KLF7: variants seen among roughly 807,000 people sequenced by gnomAD.
The protein encoded by KLF7 is Krueppel-like factor 7.
A neutral mutation model predicts 27.3 loss-of-function variants in KLF7; 2 were observed. The ratio of observed to expected loss-of-function variants is 0.07; its 90% CI spans 0.03 to 0.23. The LOEUF is 0.23. Among genes scored for constraint, KLF7 ranks in the 10% least tolerant of loss-of-function variants. KLF7 has a pLI of 1.00. For missense variants in KLF7, 221 were observed against 394.1 expected, an observed-to-expected ratio of 0.56 and a Z score of 3.72; for synonymous variants, 165 against 162.4, an observed-to-expected ratio of 1.02 and a Z score of -0.12.
At chr2:207,107,146 C>T (rs2076902835) in intron 2 of KLF7, among the ~76,000 whole-genome samples, 1 of 152,168 alleles carries the variant, frequency 6.6e-6, no homozygotes, top group Non-Finnish European at 1.5e-5. Flanking sequence ...AACTTCAGGG[C>T]ATCTCACCTC....
intron 2 of KLF7, among the ~76,000 whole-genome samples, chr2:207,117,461 A>AAC (rs1248112418): frequency 6.6e-6 from 1 of 152,210 alleles, no homozygotes; most frequent in Non-Finnish European, 1.5e-5. Flanking sequence ...CTGAACATTT[A>AAC]ACCCTTATTC....
intron 1 of KLF7, among the ~76,000 whole-genome samples, chr2:207,127,461 G>A (rs185567684): frequency 2.6e-5 from 4 of 152,236 alleles, no homozygotes; most frequent in Non-Finnish European, 5.9e-5. Context: ...AGGATGAGGA[G>A]GATTCTAATA....
At chr2:207,134,608 G>A (rs1007886730) in intron 1 of KLF7, among the ~76,000 whole-genome samples, 2 of 152,178 alleles carry the variant, frequency 1.3e-5, no homozygotes, top group Non-Finnish European at 2.9e-5. Context: ...TGTTACTTGA[G>A]ATACTTGGAC....
chr2:207,102,075 T>C (rs1488842935), intron 2 of KLF7, among the ~76,000 whole-genome samples: 2 of 151,016 alleles, frequency 1.3e-5, no homozygotes, highest in African/African-American at 4.9e-5. Flanking sequence ...ATAGGAATCA[T>C]TGGGAAGAAA....
intron 1 of KLF7, among the ~76,000 whole-genome samples, chr2:207,154,235 G>A (rs2078320241): frequency 6.6e-6 from 1 of 152,128 alleles, no homozygotes; most frequent in African/African-American, 2.4e-5. Flanking sequence ...CAGTCATCAG[G>A]TAAGGCAGAA....
intron 3 of KLF7, among the ~76,000 whole-genome samples, chr2:207,084,219 A>G (rs1194135028): frequency 6.6e-6 from 1 of 152,132 alleles, no homozygotes; most frequent in African/African-American, 2.4e-5. Flanking sequence ...CTGGGATTTG[A>G]GATGGTAAGG....
At chr2:207,163,960 T>C (rs1361001740) in intron 1 of KLF7, among the ~76,000 whole-genome samples, 1 of 152,240 alleles carries the variant, frequency 6.6e-6, no homozygotes, top group East Asian at 1.9e-4. Context: ...TCTAAAAATA[T>C]GTGAACTGTG....
At chr2:207,082,447 GCCTAAAGACAAAT>G (rs1186631943) in intron 3 of KLF7, among the ~76,000 whole-genome samples, 1 of 152,162 alleles carries the variant, frequency 6.6e-6, no homozygotes, top group Non-Finnish European at 1.5e-5. Context: ...ATCCAACGAA[GCCTAAAGACAAAT>G]CTAATTCTGT....
rs1490902855 is a variant in KLF7, at chr2:207,080,793, A to T, written c.*420T>A. The T allele has an allele frequency of 2.5e-6, 1 of 402,316 alleles. No homozygotes were observed. Among genetic ancestry groups the T allele is most frequent in the East Asian group, 3.5e-5 (1 of 28,238 alleles). 24.9% of individuals were successfully genotyped at this position (402,316 alleles called of 1,614,324 possible). ...ATGCTGGATTCTCCTATCAAGTTGC[A>T]CTGAGAAGCAAGTGAAATAAGCCCC... is the stretch of plus-strand genomic sequence containing the variant. On this transcript the variant is annotated 3_prime_UTR_variant, in exon 4 of 4. Transcript: ENST00000309446.
chr2:207,166,295 G>T, upstream of KLF7: 3 of 480,114 alleles, frequency 6.2e-6, no homozygotes, highest in Non-Finnish European at 8.1e-6. Context: ...GGATTGGCAC[G>T]CTGCGGATCT....
intron 2 of KLF7, among the ~76,000 whole-genome samples, chr2:207,090,739 T>G (rs545611548): frequency 2.0e-5 from 3 of 152,050 alleles, no homozygotes; most frequent in Non-Finnish European, 2.9e-5. Flanking sequence ...AAACAGGGAG[T>G]GTTCTTTAGG....
intron 1 of KLF7, among the ~76,000 whole-genome samples, chr2:207,161,967 T>C (rs1476905534): frequency 6.6e-6 from 1 of 151,936 alleles, no homozygotes; most frequent in Non-Finnish European, 1.5e-5. Context: ...CATAAGACTT[T>C]TCAAGCAAAC....
intron 3 of KLF7, among the ~76,000 whole-genome samples, chr2:207,083,628 C>T (rs2076324645): frequency 6.6e-6 from 1 of 152,146 alleles, no homozygotes; most frequent in Non-Finnish European, 1.5e-5. Context: ...ATAATGCTCC[C>T]TCCAAAATGT....
chr2:207,115,735 C>T (rs2077162702), intron 2 of KLF7, among the ~76,000 whole-genome samples: 1 of 149,050 alleles, frequency 6.7e-6, no homozygotes, highest in Admixed American at 6.7e-5. Flanking sequence ...CAACACTCCC[C>T]CATCATGTCT....
rs1347388313 is a variant in KLF7, at chr2:207,076,747, A to G, written c.*4466T>C. ...TAGGCCCTCTAGTTTTCAAACTGAG[A>G]TATCACCATGTTCACCGAAATTTAA... On this transcript the variant is annotated 3_prime_UTR_variant, in exon 4 of 4. Coordinates refer to ENST00000309446, the MANE Select transcript of KLF7 (RefSeq NM_003709.4). 1 of 152,190 alleles carries G rather than the reference A, an allele frequency of 6.6e-6. No individual in the cohort carries two copies. The highest frequency in any genetic ancestry group is 1.5e-5 in the Non-Finnish European group (1 of 68,042). 9.4% of individuals were successfully genotyped at this position (152,190 alleles called of 1,614,324 possible). A position where few individuals can be genotyped will look rare whatever the true frequency, so the allele number is the denominator to read the frequency against.
chr2:207,094,604 A>T (rs1313916337), intron 2 of KLF7, among the ~76,000 whole-genome samples: 7 of 152,240 alleles, frequency 4.6e-5, no homozygotes, highest in African/African-American at 1.7e-4. Context: ...GAGAATAAAG[A>T]CATTGTAGAG....
intron 2 of KLF7, among the ~76,000 whole-genome samples, chr2:207,114,133 G>T (rs2077113294): frequency 6.6e-6 from 1 of 152,164 alleles, no homozygotes. Context: ...CAAATAGGGT[G>T]AATCCTCTGT....
chr2:207,105,216 C>T (rs1173723865), intron 2 of KLF7, among the ~76,000 whole-genome samples: 1 of 152,202 alleles, frequency 6.6e-6, no homozygotes, highest in African/African-American at 2.4e-5. Context: ...ACCCGCACCT[C>T]AGTGTGAGAT....
chr2:207,155,498 A>C (rs945780321), intron 1 of KLF7, among the ~76,000 whole-genome samples: 1 of 152,236 alleles, frequency 6.6e-6, no homozygotes, highest in Non-Finnish European at 1.5e-5. Flanking sequence ...AAAGACCAGG[A>C]GCAAAACACC....
Sources: gnomAD v4.1 joint callset for allele counts (sites outside exome capture counted in the v4.1 genomes callset) on GRCh38, gnomAD v4.1.1 for gene constraint, MANE v1.5 for transcripts, NCBI Gene and HGNC (gene_info 2026-07-23, HGNC 2026-07-21) for gene names.